Variants in TP53INP1 observed in about 807,000 individuals in gnomAD.
The protein encoded by TP53INP1 is tumor protein p53-inducible nuclear protein 1.
A neutral mutation model predicts 21.0 loss-of-function variants in TP53INP1; 12 were observed. The observed-to-expected ratio is 0.57, with a 90% CI of 0.37 to 0.93. The LOEUF (loss-of-function observed/expected upper bound fraction) is 0.93. Among genes scored for constraint, TP53INP1 ranks in the 40% least tolerant of loss-of-function variants. TP53INP1 has a pLI of 0.01. For missense variants in TP53INP1, 274 were observed against 294.7 expected (o/e 0.93, Z 0.51); for synonymous variants, 91 against 94.8 (o/e 0.96, Z 0.23).
At position 94,929,834 on chromosome 8, in the gene TP53INP1, T is replaced by C. The variant is rs1354162752; in HGVS notation, c.*645A>G. ...GTCTGTACCACGTCATGCAGTCACA[T>C]TGGAATTACTGCATGCACTCTTCAC... On this transcript the variant is annotated 3_prime_UTR_variant, in exon 4 of 4. Transcript: ENST00000342697. 1 of 152,336 alleles carries C rather than the reference T, an allele frequency of 6.6e-6. No homozygotes were observed. The highest frequency in any genetic ancestry group is 2.4e-5 in the African/African-American group (1 of 41,442). The allele number at this position is 152,336 out of a possible 1,614,324, so 9.4% of individuals were successfully genotyped here.
chr8:94,938,102 G>A (rs1821166849), intron 3 of TP53INP1, among the ~76,000 whole-genome samples: 1 of 152,158 alleles, frequency 6.6e-6, no homozygotes, highest in Admixed American at 6.5e-5. Context: ...AGAAAAAGAT[G>A]ACATTGTTTC....
Position 94,929,979 on chromosome 8 carries a change from C to T in TP53INP1, c.*500G>A, listed in dbSNP as rs936317196. The T allele has an allele frequency of 6.5e-6, 1 of 153,426 alleles. No homozygotes were observed. Among genetic ancestry groups the T allele is most frequent in the African/African-American group, 2.4e-5 (1 of 41,448 alleles). 9.5% of individuals were successfully genotyped at this position (153,426 alleles called of 1,614,324 possible). A position where few individuals can be genotyped will look rare whatever the true frequency, so the allele number is the denominator to read the frequency against. On this transcript the variant is annotated 3_prime_UTR_variant, in exon 4 of 4. Coordinates refer to ENST00000342697, the MANE Select transcript of TP53INP1 (RefSeq NM_033285.4). ...AGTCCAGCCATAATTCCATTATATC[C>T]ATGGCAACTATCACCTGTTAATGCT... is the stretch of plus-strand genomic sequence containing the variant.
intron 3 of TP53INP1, among the ~76,000 whole-genome samples, chr8:94,935,636 C>T (rs1171748445): frequency 6.6e-6 from 1 of 152,052 alleles, no homozygotes; most frequent in Non-Finnish European, 1.5e-5. Context: ...GTAAAATGGT[C>T]GGGGTGGTGA....
Position 94,939,893 on chromosome 8 carries a change from C to T in TP53INP1, c.440G>A (p.Gly147Glu). Residue 147 changes from glycine (G) to glutamate (E), a missense_variant, in exon 3 of 4, where the codon GGG becomes GAG. Gly to Glu is a moderately conservative substitution (Grantham distance 98). Transcript: ENST00000342697. ...ACTTGGGCTATGTAATTCATCAGTC[C>T]CACGGGTGGCCTCACTGAGACCAGG... ...SCPGLSEATRGTDELHSPSSP... is the reference protein window; with the variant it reads ...SCPGLSEATRETDELHSPSSP... The T allele has an allele frequency of 6.2e-7, 1 of 1,613,890 alleles. No homozygotes were observed. Among genetic ancestry groups the T allele is most frequent in the Non-Finnish European group, 8.5e-7 (1 of 1,179,884 alleles).
intron 1 of TP53INP1, among the ~76,000 whole-genome samples, chr8:94,944,707 T>C (rs1010704360): frequency 2.6e-5 from 4 of 152,168 alleles, no homozygotes; most frequent in African/African-American, 9.7e-5. Context: ...AGAATGGAGT[T>C]CCTGGGGAGG....
rs547122004 is a variant in TP53INP1 at position 94,927,359 on chromosome 8, G to A, written c.*3120C>T. ...CCAGTGTACTATACAGATTTCAGAA[G>A]CAGAAACAATGCTGAACAGCCTGCT... On this transcript the variant is annotated 3_prime_UTR_variant, in exon 4 of 4. Coordinates refer to ENST00000342697, the MANE Select transcript of TP53INP1 (RefSeq NM_033285.4). 2 of 152,298 alleles carry A rather than the reference G, an allele frequency of 1.3e-5. No individual in the cohort carries two copies. The highest frequency in any genetic ancestry group is 3.9e-4 in the East Asian group (2 of 5,186). 9.4% of individuals were successfully genotyped at this position (152,298 alleles called of 1,614,324 possible). A position where few individuals can be genotyped will look rare whatever the true frequency, so the allele number is the denominator to read the frequency against.
intron 3 of TP53INP1, among the ~76,000 whole-genome samples, chr8:94,935,168 GATAGATAT>G (rs1820858271): frequency 6.6e-6 from 1 of 151,296 alleles, no homozygotes; most frequent in South Asian, 2.1e-4. Flanking sequence ...TAGATAGATA[GATAGATAT>G]AATACAATAC....
In TP53INP1 at chr8:94,939,952, G is replaced by T. The variant is rs773549775; in HGVS notation, c.381C>A (p.Pro127=). The T allele has an allele frequency of 6.2e-7, 1 of 1,614,116 alleles. No individual in the cohort carries two copies. Among genetic ancestry groups the T allele is most frequent in the Admixed American group, 1.7e-5 (1 of 60,018 alleles). The change falls in exon 3 of 4, where the codon CCC becomes CCA. Residue 127 remains proline, a synonymous_variant. Coordinates refer to ENST00000342697, the MANE Select transcript of TP53INP1 (RefSeq NM_033285.4). The part of the protein sequence containing the change: ...SPMENLLIEH[P]SMSVYAVHNS... ...TATGCACAGCATAGACAGACATGCTGGGATGTTCAATGAGAAGGTTTTCCA... is the reference window on the plus strand; with the variant it reads ...TATGCACAGCATAGACAGACATGCTTGGATGTTCAATGAGAAGGTTTTCCA...
At chr8:94,939,682 G>A (rs780224212) in intron 3 of TP53INP1, 178 bp downstream of exon 3, 2 of 837,548 alleles carry the variant, frequency 2.4e-6, no homozygotes, top group Non-Finnish European at 3.6e-6. Context: ...ACAGGTGTGA[G>A]ACACTGTGAC....
At chr8:94,935,089 C>T (rs1001470913) in intron 3 of TP53INP1, among the ~76,000 whole-genome samples, 1 of 149,836 alleles carries the variant, frequency 6.7e-6, no homozygotes, top group African/African-American at 2.5e-5. Context: ...AAACAGGAAA[C>T]GGTAGGTAGG....
intron 3 of TP53INP1, chr8:94,932,081 G>A (rs372202256): frequency 1.9e-6 from 3 of 1,610,426 alleles, no homozygotes; most frequent in Non-Finnish European, 2.5e-6. Flanking sequence ...CTGTGCCCGT[G>A]AGTCTTATAA....
Position 94,935,526 on chromosome 8 carries a change from G to A in TP53INP1, c.473+4334C>T, listed in dbSNP as rs116865498. Among the ~76,000 whole-genome samples the A allele has an allele frequency of 5.0e-3, 766 of 152,306 alleles. 4 individuals are homozygous for A. The highest frequency in any genetic ancestry group is 8.7e-3 in the South Asian group (42 of 4,828). Reference sequence around the variant, plus strand: ...GAAAAGTGACCAACAATTGCTTGGGGCAATAGACAGATTGATTAATCAAGA... The same window carrying A: ...GAAAAGTGACCAACAATTGCTTGGGACAATAGACAGATTGATTAATCAAGA... On this transcript the variant is annotated intron_variant, in intron 3 of 3. Coordinates refer to ENST00000342697, the MANE Select transcript of TP53INP1 (RefSeq NM_033285.4).
In TP53INP1 at chr8:94,934,142, A is replaced by G. The variant is rs373448115; in HGVS notation, c.474-3414T>C. ...AGGTTAAAAGTTTATGTGTACGTAC[A>G]GGCACAGAAAAAAAAAAACACAATC... On this transcript the variant is annotated intron_variant, in intron 3 of 3. Transcript: ENST00000342697. Among the ~76,000 whole-genome samples the G allele has an allele frequency of 9.2e-3, 608 of 66,138 alleles. 4 individuals carry two copies. Among genetic ancestry groups the G allele is most frequent in the African/African-American group, 0.019 (549 of 29,380 alleles). The allele number at this position is 66,138 out of a possible 152,430, so 43.4% of individuals were successfully genotyped here. A position where few individuals can be genotyped will look rare whatever the true frequency, so the allele number is the denominator to read the frequency against.
intron 1 of TP53INP1, among the ~76,000 whole-genome samples, chr8:94,943,611 T>C (rs1218981686): frequency 6.6e-6 from 1 of 152,264 alleles, no homozygotes; most frequent in Non-Finnish European, 1.5e-5. Flanking sequence ...GACAGTTCAC[T>C]TTCAAAATAA....
intron 3 of TP53INP1, among the ~76,000 whole-genome samples, chr8:94,933,655 A>G (rs761072814): frequency 3.3e-5 from 5 of 151,826 alleles, no homozygotes; most frequent in Non-Finnish European, 7.4e-5. Flanking sequence ...GTCCCAGCTA[A>G]TCGGGAGGCT....
intron 1 of TP53INP1, among the ~76,000 whole-genome samples, chr8:94,946,477 G>A (rs1822000054): frequency 5.3e-5 from 8 of 151,664 alleles, no homozygotes; most frequent in Admixed American, 3.9e-4. Flanking sequence ...AAGGCAGGAG[G>A]ATCACTTTAA....
chr8:94,933,268 T>C (rs1820607784), intron 3 of TP53INP1, among the ~76,000 whole-genome samples: 1 of 152,182 alleles, frequency 6.6e-6, no homozygotes, highest in Admixed American at 6.5e-5. Context: ...TATGGAAAAG[T>C]ATGTATTTGT....
intron 1 of TP53INP1, among the ~76,000 whole-genome samples, chr8:94,943,921 A>G (rs1277062089): frequency 6.6e-6 from 1 of 152,224 alleles, no homozygotes. Context: ...TTTATGCTCT[A>G]TGTAAGAACA....
At chr8:94,941,265 T>C (rs1563732091) in intron 1 of TP53INP1, among the ~76,000 whole-genome samples, 174 bp from the exon 2 acceptor site, 1 of 152,198 alleles carries the variant, frequency 6.6e-6, no homozygotes, top group Non-Finnish European at 1.5e-5. Context: ...GTTTTGTAAA[T>C]ACTCTTACTC....
Sources: gnomAD v4.1 joint callset for allele counts (sites outside exome capture counted in the v4.1 genomes callset) on GRCh38, gnomAD v4.1.1 for gene constraint, MANE v1.5 for transcripts, NCBI Gene and HGNC (gene_info 2026-07-23, HGNC 2026-07-21) for gene names.